The following ALK variants were observed in gnomAD, a reference collection of about 807,000 sequenced individuals.
ALK encodes the protein ALK tyrosine kinase receptor.
A neutral mutation model predicts 163.1 loss-of-function variants in ALK; 74 were observed. The ratio of observed to expected loss-of-function variants is 0.45; its 90% CI spans 0.38 to 0.55. The LOEUF is 0.55. ALK is among the 20% of genes least tolerant of loss of function. ALK has a pLI of 0.00. For synonymous variants in ALK, 960 were observed against 843.2 expected (o/e 1.14, Z -2.40); for missense variants, 2,063 against 2,105.3 (o/e 0.98, Z 0.39).
chr2:29,380,753 T>C (rs1668876412), intron 5 of ALK, among the ~76,000 whole-genome samples: 1 of 152,058 alleles, frequency 6.6e-6, no homozygotes, highest in Non-Finnish European at 1.5e-5. Context: ...CTTTTAAACA[T>C]CCAGATCTTA....
At chr2:29,305,447 G>A (rs1325868790) in intron 8 of ALK, among the ~76,000 whole-genome samples, 1 of 152,182 alleles carries the variant, frequency 6.6e-6, no homozygotes, top group Non-Finnish European at 1.5e-5. Context: ...AGTTCTTACT[G>A]AGTATTCCTT....
chr2:29,287,683 A>C (rs1031241150), intron 9 of ALK, among the ~76,000 whole-genome samples: 10 of 152,202 alleles, frequency 6.6e-5, no homozygotes, highest in South Asian at 4.2e-4. Context: ...GTGATGATTC[A>C]TAAAAATCTT....
At chr2:29,657,320 T>C (rs1057010314) in intron 3 of ALK, among the ~76,000 whole-genome samples, 1 of 152,160 alleles carries the variant, frequency 6.6e-6, no homozygotes, top group Admixed American at 6.5e-5. Context: ...ATACCATTTG[T>C]GTCTTTCAGT....
intron 1 of ALK, among the ~76,000 whole-genome samples, chr2:29,729,758 T>C (rs1679683451): frequency 6.6e-6 from 1 of 152,164 alleles, no homozygotes; most frequent in East Asian, 1.9e-4. Flanking sequence ...ATGCAGCACA[T>C]CTTGAGTGCA....
chr2:29,825,226 G>T (rs1002033112), intron 1 of ALK, among the ~76,000 whole-genome samples: 1 of 152,172 alleles, frequency 6.6e-6, no homozygotes, highest in African/African-American at 2.4e-5. Flanking sequence ...CCCAGTCTCA[G>T]GTATGTCTTT....
chr2:29,855,794 G>A (rs1666123112), intron 1 of ALK, among the ~76,000 whole-genome samples: 2 of 152,132 alleles, frequency 1.3e-5, no homozygotes, highest in African/African-American at 2.4e-5. Context: ...GAAAATCTTG[G>A]TCAAAACCAG....
At chr2:29,207,891 A>G (rs1032197869) in intron 25 of ALK, among the ~76,000 whole-genome samples, 1 of 152,262 alleles carries the variant, frequency 6.6e-6, no homozygotes, top group Non-Finnish European at 1.5e-5. Context: ...GCTAAAAACC[A>G]ATAAATTAAC....
chr2:29,276,924 C>G (rs1330857108), intron 9 of ALK, among the ~76,000 whole-genome samples: 3 of 152,012 alleles, frequency 2.0e-5, no homozygotes, highest in Non-Finnish European at 4.4e-5. Flanking sequence ...CTCCACAGCT[C>G]TATAAATCTG....
intron 1 of ALK, among the ~76,000 whole-genome samples, chr2:29,783,562 T>C (rs1163059636): frequency 6.6e-6 from 1 of 152,208 alleles, no homozygotes; most frequent in Non-Finnish European, 1.5e-5. Context: ...ACTGTAAATT[T>C]TTTTGATTGC....
At chr2:29,849,046 C>T (rs1446929389) in intron 1 of ALK, among the ~76,000 whole-genome samples, 1 of 152,148 alleles carries the variant, frequency 6.6e-6, no homozygotes, top group South Asian at 2.1e-4. Flanking sequence ...TTCTGACTTA[C>T]ACATCTCCAT....
At chr2:29,554,909 A>G (rs1573452246) in intron 3 of ALK, among the ~76,000 whole-genome samples, 2 of 152,288 alleles carry the variant, frequency 1.3e-5, no homozygotes, top group East Asian at 1.9e-4. Context: ...CCTCACTGCT[A>G]TACTCCCACC....
chr2:29,225,798 A>G (rs1018997501), intron 18 of ALK, among the ~76,000 whole-genome samples: 1 of 152,188 alleles, frequency 6.6e-6, no homozygotes, highest in African/African-American at 2.4e-5. Context: ...AGGGATGAAT[A>G]TCAGTGGCGG....
intron 3 of ALK, among the ~76,000 whole-genome samples, chr2:29,645,145 C>A (rs572420050): frequency 1.3e-5 from 2 of 152,182 alleles, no homozygotes; most frequent in African/African-American, 2.4e-5. Flanking sequence ...TTGCTACCAC[C>A]AGGTGGTAGT....
At chr2:29,472,971 T>G (rs1310382009) in intron 4 of ALK, among the ~76,000 whole-genome samples, 1 of 152,236 alleles carries the variant, frequency 6.6e-6, no homozygotes, top group Admixed American at 6.5e-5. Context: ...AATCAAAATC[T>G]CAGCAGAATT....
At chr2:29,636,433 A>T (rs1676534920) in intron 3 of ALK, among the ~76,000 whole-genome samples, 1 of 152,172 alleles carries the variant, frequency 6.6e-6, no homozygotes, top group Admixed American at 6.5e-5. Flanking sequence ...CAGAATTTTT[A>T]GTTAATAAAA....
intron 19 of ALK, among the ~76,000 whole-genome samples, chr2:29,224,927 G>A (rs1174383166): frequency 2.0e-5 from 3 of 152,248 alleles, no homozygotes; most frequent in Non-Finnish European, 2.9e-5. Flanking sequence ...TCTGCCAGCA[G>A]TAAGAGCTGG....
intron 3 of ALK, among the ~76,000 whole-genome samples, chr2:29,554,368 T>C (rs190030291): frequency 1.3e-5 from 2 of 152,308 alleles, no homozygotes; most frequent in Admixed American, 1.3e-4. Context: ...GAGATCTAAA[T>C]TGCAAAACAA....
At chr2:29,878,281 G>T (rs1474625658) in intron 1 of ALK, among the ~76,000 whole-genome samples, 1 of 152,128 alleles carries the variant, frequency 6.6e-6, no homozygotes, top group Non-Finnish European at 1.5e-5. Flanking sequence ...GAGAGAAAAA[G>T]TTATAAGCCT....
chr2:29,597,235 G>A (rs749069094), intron 3 of ALK, among the ~76,000 whole-genome samples: 3 of 152,204 alleles, frequency 2.0e-5, no homozygotes, highest in Non-Finnish European at 4.4e-5. Flanking sequence ...ATCCCCTGAC[G>A]GGCAGTGACA....
Sources: gnomAD v4.1 joint callset for allele counts (sites outside exome capture counted in the v4.1 genomes callset) on GRCh38, gnomAD v4.1.1 for gene constraint, MANE v1.5 for transcripts, NCBI Gene and HGNC (gene_info 2026-07-23, HGNC 2026-07-21) for gene names.